Variants in C1R observed in about 807,000 individuals in gnomAD.
The protein encoded by C1R is complement C1r subcomponent.
A neutral mutation model predicts 27.6 loss-of-function variants in C1R; 15 were observed. The ratio of observed to expected loss-of-function variants is 0.54; its 90% confidence interval spans 0.36 to 0.84. The LOEUF (loss-of-function observed/expected upper bound fraction) is 0.84. Among genes scored for constraint, C1R ranks in the 40% least tolerant of loss-of-function variants. The probability of loss-of-function intolerance (pLI) is 0.01; values close to 1 mark genes in which losing one functional copy is unlikely to be tolerated. For missense variants in C1R, 544 were observed against 577.9 expected (o/e 0.94, Z 0.60); for synonymous variants, 253 against 228.8 (o/e 1.11, Z -0.95).
Position 7,082,783 on chromosome 12 carries a change from A to C in C1R, c.1274-677T>G, listed in dbSNP as rs1490889417. Among the ~76,000 whole-genome samples, 3 of 152,312 alleles carry C rather than the reference A, an allele frequency of 2.0e-5. No individual in the cohort carries two copies. In the East Asian group the frequency reaches 5.8e-4, roughly 29 times the overall value. On this transcript the variant is annotated intron_variant, in intron 9 of 10. Transcript: ENST00000647956. ...TGTAGCTACATCTTCTGATTGCTGA[A>C]AATGTGCCATGCTTGTTGCTAAGCA...
rs1938271805 is a variant in C1R, at chr12:7,091,468, A to G, written c.215T>C (p.Phe72Ser). 1.3e-6 allele frequency: 1 copy of G among 770,148 alleles called. No individual in the cohort carries two copies. Among genetic ancestry groups the G allele is most frequent in the Non-Finnish European group, 2.4e-6 (1 of 412,840 alleles). 47.7% of individuals were successfully genotyped at this position (770,148 alleles called of 1,614,324 possible). ...QFDLEPSEGC[F>S]YDYVKISADK... ...TGCCCCTACCTTGACATAATCATAG[A>G]AGCAGCCTTCAGAAGGCTCCAGGTC... is the stretch of plus-strand genomic sequence containing the variant. Residue 72 changes from phenylalanine (F) to serine (S), a missense_variant, in exon 2 of 11, where the codon TTC becomes TCC. Around this residue, in one of 2 missense-constraint regions of C1R, gnomAD observed 291 missense variants for 209.0 expected, o/e 1.39. Transcript: ENST00000647956. This position sits in a 1 kb window ranked among gnomAD's most constrained non-coding sequence, Gnocchi z 5.1.
chr12:7,080,823 A>G lies in C1R; in HGVS notation c.1827T>C (p.Phe609=), dbSNP rs760050714. The G allele has an allele frequency of 2.1e-5, 34 of 1,613,860 alleles. No individual in the cohort carries two copies. The highest frequency in any genetic ancestry group is 2.8e-5 in the Non-Finnish European group (33 of 1,179,890). The stretch of plus-strand genomic sequence containing the variant: ...GTGGATTAGCTACGGGCAGACGGAC[A>G]AACCTGAGGTCATGAGCAATCTTCT... The part of the protein sequence containing the change: ...MEEKIAHDLR[F]VRLPVANPQA... Residue 609 remains phenylalanine, a synonymous_variant, in exon 11 of 11, where the codon TTT becomes TTC. Coordinates refer to ENST00000647956, the MANE Select transcript of C1R (RefSeq NM_001733.7). This position sits in a 1 kb window ranked among gnomAD's most constrained non-coding sequence, Gnocchi z 4.9.
chr12:7,089,288 T>G lies in C1R; in HGVS notation c.768+5A>C, dbSNP rs376512015. 54 of 779,926 alleles carry G rather than the reference T, an allele frequency of 6.9e-5. No individual in the cohort carries two copies. In the African/African-American group the frequency reaches 8.8e-4, roughly 13 times the overall value. 48.3% of individuals were successfully genotyped at this position (779,926 alleles called of 1,614,324 possible). A position where few individuals can be genotyped will look rare whatever the true frequency, so the allele number is the denominator to read the frequency against. On this transcript the variant is annotated splice_donor_5th_base_variant and intron_variant, in intron 5 of 10. Transcript: ENST00000647956. ...AGGGGTCTTTCAGGGGTAGGACGGCTGTACCTGTAGCTGGTCATAGGGGCA... is the reference window on the plus strand; with the variant it reads ...AGGGGTCTTTCAGGGGTAGGACGGCGGTACCTGTAGCTGGTCATAGGGGCA...
chr12:7,090,799 G>A (rs1336954093), intron 2 of C1R, among the ~76,000 whole-genome samples: 2 of 152,074 alleles, frequency 1.3e-5, no homozygotes, highest in Admixed American at 6.5e-5. Flanking sequence ...CCTTGACTCT[G>A]CCAGCAAACG....
At chr12:7,089,172 T>C (rs897650574) in intron 5 of C1R, 121 bp downstream of exon 5, 1 of 665,368 alleles carries the variant, frequency 1.5e-6, no homozygotes, top group South Asian at 1.7e-5. Flanking sequence ...ACCCAGCCCA[T>C]GGGTGATGTT....
intron 2 of C1R, among the ~76,000 whole-genome samples, chr12:7,090,833 G>C (rs771277814): frequency 6.6e-6 from 1 of 152,150 alleles, no homozygotes; most frequent in East Asian, 1.9e-4. Context: ...CTGCACACTC[G>C]CCAAGTCTTC....
chr12:7,086,691 G>A (rs1938161598), intron 7 of C1R: 1 of 357,710 alleles, frequency 2.8e-6, no homozygotes, highest in African/African-American at 2.1e-5. Context: ...AGAGCTAACT[G>A]ATAGACCTGA....
Position 7,085,846 on chromosome 12 carries a change from C to T in C1R, c.1273+15G>A, listed in dbSNP as rs1189710887. ...GGATGGAAGGGAGGAAATTTCCATT[C>T]GCATTGGTCCCTACCTTGCTCAGAC... is the stretch of plus-strand genomic sequence containing the variant. On this transcript the variant is annotated intron_variant, in intron 9 of 10. Coordinates refer to ENST00000647956, the MANE Select transcript of C1R (RefSeq NM_001733.7). 2.8e-5 allele frequency: 11 copies of T among 398,430 alleles called. No homozygotes were observed. Among genetic ancestry groups the T allele is most frequent in the South Asian group, 1.3e-4 (1 of 7,858 alleles). 24.7% of individuals were successfully genotyped at this position (398,430 alleles called of 1,614,324 possible).
Position 7,091,989 on chromosome 12 carries a change from C to T in C1R, c.3-309G>A. On this transcript the variant is annotated intron_variant, in intron 1 of 10. Coordinates refer to ENST00000647956, the MANE Select transcript of C1R (RefSeq NM_001733.7). This position sits in a 1 kb window ranked among gnomAD's most constrained non-coding sequence, Gnocchi z 5.1. ...CCTCCCCTTCCAGGAATAGGACTGG[C>T]TTGGGACCAGTTAATGGAGGGTGAG... 4 of 584,340 alleles carry T rather than the reference C, an allele frequency of 6.8e-6. No individual in the cohort carries two copies. The highest frequency in any genetic ancestry group is 1.3e-5 in the Non-Finnish European group (4 of 317,808). 36.2% of individuals were successfully genotyped at this position (584,340 alleles called of 1,614,324 possible). A position where few individuals can be genotyped will look rare whatever the true frequency, so the allele number is the denominator to read the frequency against.
intron 9 of C1R, 150 bp downstream of exon 9, chr12:7,085,711 G>T (rs1246310182): frequency 2.5e-6 from 1 of 395,930 alleles, no homozygotes; most frequent in East Asian, 3.6e-5. Flanking sequence ...AACCTACTAG[G>T]TTCCTGTTAG....
In C1R at chr12:7,081,005, C is replaced by A. The variant is rs114388284; in HGVS notation, c.1645G>T (p.Asp549Tyr). 6.6e-4 allele frequency: 1,064 copies of A among 1,614,042 alleles called. 6 individuals carry two copies. In the African/African-American group the frequency reaches 0.013, roughly 19 times the overall value. Residue 549 changes from aspartate to tyrosine, a missense_variant, in exon 11 of 11, where the codon GAT becomes TAT. Coordinates refer to ENST00000647956, the MANE Select transcript of C1R (RefSeq NM_001733.7). ...RVSVHPDYRQDESYNFEGDIA... is the reference protein window; with the variant it reads ...RVSVHPDYRQYESYNFEGDIA... ...TCCCCCTCAAAATTGTAGGACTCAT[C>A]CTGACGGTAGTCCGGGTGGACGCTG...
chr12:7,090,879 C>T (rs190736384), intron 2 of C1R, among the ~76,000 whole-genome samples: 1 of 152,338 alleles, frequency 6.6e-6, no homozygotes, highest in East Asian at 1.9e-4. Context: ...ATGTAATTCA[C>T]GCATAATCTC....
intron 9 of C1R, among the ~76,000 whole-genome samples, chr12:7,083,038 T>C (rs946706323): frequency 7.9e-5 from 12 of 152,196 alleles, no homozygotes; most frequent in Non-Finnish European, 1.6e-4. Flanking sequence ...AAACCTATAA[T>C]GCATGTGATT....
rs771686679 is a variant in C1R, at chr12:7,091,465, T to C, written c.218A>G (p.Tyr73Cys). Residue 73 changes from tyrosine (Y) to cysteine (C), a missense_variant, in exon 2 of 11, where the codon TAT becomes TGT. Transcript: ENST00000647956. The surrounding 1 kb of genome is among the most constrained non-coding windows in gnomAD (Gnocchi z 5.1). Reference protein sequence around the residue: ...FDLEPSEGCFYDYVKISADKK... With the variant: ...FDLEPSEGCFCDYVKISADKK... ...TCCTGCCCCTACCTTGACATAATCA[T>C]AGAAGCAGCCTTCAGAAGGCTCCAG... is the stretch of plus-strand genomic sequence containing the variant. 7 of 768,520 alleles carry C rather than the reference T, an allele frequency of 9.1e-6. No individual in the cohort carries two copies. The highest frequency in any genetic ancestry group is 1.5e-5 in the Non-Finnish European group (6 of 412,050). The allele number at this position is 768,520 out of a possible 1,614,324, so 47.6% of individuals were successfully genotyped here. A position where few individuals can be genotyped will look rare whatever the true frequency, so the allele number is the denominator to read the frequency against.
In C1R at chr12:7,080,310, A is replaced by G. The variant is rs1404580713; in HGVS notation, c.*222T>C. On this transcript the variant is annotated 3_prime_UTR_variant, in exon 11 of 11. Coordinates refer to ENST00000647956, the MANE Select transcript of C1R (RefSeq NM_001733.7). The surrounding 1 kb of genome is among the most constrained non-coding windows in gnomAD (Gnocchi z 4.9). Reference sequence around the variant, plus strand: ...AGAGGAAAGTGACAACTAGAGATTGATAACTATATCCTCTGCAATCCTCAG... The same window carrying G: ...AGAGGAAAGTGACAACTAGAGATTGGTAACTATATCCTCTGCAATCCTCAG... 4.0e-6 allele frequency: 5 copies of G among 1,236,746 alleles called. No individual in the cohort carries two copies. In the East Asian group the frequency reaches 1.6e-4, roughly 39 times the overall value. 76.6% of individuals were successfully genotyped at this position (1,236,746 alleles called of 1,614,324 possible).
chr12:7,088,638 G>A lies in C1R; in HGVS notation c.1010C>T (p.Thr337Ile), dbSNP rs766125715. 1.4e-6 allele frequency: 1 copy of A among 735,390 alleles called. No individual in the cohort carries two copies. The highest frequency in any genetic ancestry group is 2.5e-6 in the Non-Finnish European group (1 of 393,988). 45.6% of individuals were successfully genotyped at this position (735,390 alleles called of 1,614,324 possible). ...QYQFRDYFIATCKQGYQLIEG... is the reference protein window; with the variant it reads ...QYQFRDYFIAICKQGYQLIEG... ...TATGAGCTGGTAGCCTTGCTTGCAG[G>A]TAGCAATGAAGTAGTCACGGAACTG... The change falls in exon 7 of 11, where the codon ACC becomes ATC. Residue 337 changes from threonine to isoleucine, a missense_variant. Physicochemically the swap from Thr to Ile is moderately conservative, Grantham distance 89 (BLOSUM62 -1). Coordinates refer to ENST00000647956, the MANE Select transcript of C1R (RefSeq NM_001733.7).
chr12:7,090,638 T>G (rs896928769), intron 2 of C1R, among the ~76,000 whole-genome samples: 4 of 152,178 alleles, frequency 2.6e-5, no homozygotes, highest in Admixed American at 2.6e-4. Flanking sequence ...TTTTCTGTCT[T>G]CAGATTCCAC....
In C1R at chr12:7,091,180, C is replaced by G. The variant is rs1478031398; in HGVS notation, c.231+272G>C. 4.4e-6 allele frequency: 2 copies of G among 455,742 alleles called. No homozygotes were observed. The highest frequency in any genetic ancestry group is 7.8e-6 in the Non-Finnish European group (2 of 257,350). 28.2% of individuals were successfully genotyped at this position (455,742 alleles called of 1,614,324 possible). On this transcript the variant is annotated intron_variant, in intron 2 of 10. Coordinates refer to ENST00000647956, the MANE Select transcript of C1R (RefSeq NM_001733.7). The surrounding 1 kb of genome is among the most constrained non-coding windows in gnomAD (Gnocchi z 5.1). ...GGTTTCCCAAAGACTCTCAGCTAGA[C>G]AGCAGATGGGGAAGGTTTTCCTGAC...
Position 7,091,269 on chromosome 12 carries a change from G to C in C1R, c.231+183C>G. ...TTCCTTCTCTGTGCTTCTCCCCTCA[G>C]TGCTCACCGAGGGCCTCTACACCAG... On this transcript the variant is annotated intron_variant, in intron 2 of 10. Coordinates refer to ENST00000647956, the MANE Select transcript of C1R (RefSeq NM_001733.7). This position sits in a 1 kb window ranked among gnomAD's most constrained non-coding sequence, Gnocchi z 5.1. The C allele has an allele frequency of 1.7e-6, 1 of 596,084 alleles. No individual in the cohort carries two copies. The highest frequency in any genetic ancestry group is 2.1e-5 in the South Asian group (1 of 46,662). 36.9% of individuals were successfully genotyped at this position (596,084 alleles called of 1,614,324 possible).
Sources: allele counts gnomAD v4.1 joint callset (sites outside exome capture counted in the v4.1 genomes callset), GRCh38; gene constraint gnomAD v4.1.1; regional missense constraint gnomAD v4.1.1; non-coding constraint Gnocchi (gnomAD v3.1); transcripts MANE v1.5; gene names NCBI Gene and HGNC (gene_info 2026-07-23, HGNC 2026-07-21).